Variants in GRM8 observed in about 807,000 individuals in gnomAD.
GRM8 encodes metabotropic glutamate receptor 8.
A neutral mutation model predicts 87.2 loss-of-function variants in GRM8; 47 were observed. That is an observed-to-expected ratio of 0.54 (90% confidence interval 0.43 to 0.69). The LOEUF (loss-of-function observed/expected upper bound fraction) is 0.69. Ranked by LOEUF, GRM8 falls within the 30% of genes least tolerant of loss-of-function variation. The probability of loss-of-function intolerance (pLI) is 0.00; values close to 1 mark genes in which losing one functional copy is unlikely to be tolerated. For missense variants in GRM8, 1,019 were observed against 1,139.2 expected (o/e 0.89, Z 1.52); for synonymous variants, 396 against 404.5 (o/e 0.98, Z 0.25).
chr7:127,131,065 T>C (rs1275203356), intron 2 of GRM8, among the ~76,000 whole-genome samples: 1 of 152,222 alleles, frequency 6.6e-6, no homozygotes, highest in African/African-American at 2.4e-5. Flanking sequence ...TGAGCATGTG[T>C]TGCCCAAGAA....
chr7:127,247,023 G>A (rs1312542760), intron 1 of GRM8, among the ~76,000 whole-genome samples: 1 of 152,184 alleles, frequency 6.6e-6, no homozygotes, highest in Admixed American at 6.5e-5. Context: ...GGCAGCACAA[G>A]GAAAGGGAAT....
intron 7 of GRM8, among the ~76,000 whole-genome samples, chr7:126,763,713 T>A (rs890865943): frequency 6.7e-6 from 1 of 149,110 alleles, no homozygotes; most frequent in African/African-American, 2.4e-5. Flanking sequence ...TATTTTTCCT[T>A]AAAATCACTC....
chr7:126,581,536 T>C (rs564672997), intron 8 of GRM8, among the ~76,000 whole-genome samples: 100 of 152,282 alleles, frequency 6.6e-4, no homozygotes, highest in Admixed American at 1.3e-3. Flanking sequence ...GTGATCACTA[T>C]ACCTGAGGTC....
chr7:126,587,628 T>A (rs546441832), intron 8 of GRM8, among the ~76,000 whole-genome samples: 1 of 134,724 alleles, frequency 7.4e-6, no homozygotes, highest in Admixed American at 8.9e-5. Context: ...AATTGAACAA[T>A]GAGAACACTT....
intron 9 of GRM8, among the ~76,000 whole-genome samples, chr7:126,478,748 G>C (rs1341265736): frequency 6.6e-6 from 1 of 152,024 alleles, no homozygotes; most frequent in African/African-American, 2.4e-5. Flanking sequence ...GTTAGACCTA[G>C]ATTTGAAAAC....
intron 3 of GRM8, among the ~76,000 whole-genome samples, chr7:126,955,910 T>C (rs1808628211): frequency 1.3e-5 from 2 of 152,168 alleles, no homozygotes; most frequent in African/African-American, 4.8e-5. Flanking sequence ...TCCTAGTGAT[T>C]ATAGGACTTC....
At chr7:127,130,252 T>A (rs901663830) in intron 2 of GRM8, among the ~76,000 whole-genome samples, 3 of 151,940 alleles carry the variant, frequency 2.0e-5, no homozygotes, top group African/African-American at 7.3e-5. Context: ...AACAGACTAA[T>A]ACGGATAATT....
intron 9 of GRM8, chr7:126,447,123 C>G (rs1584633832): frequency 6.6e-6 from 1 of 151,770 alleles, no homozygotes; most frequent in African/African-American, 2.4e-5. Context: ...AAATCGACTG[C>G]TCTGATACTT....
At chr7:126,804,888 G>A (rs1426492039) in intron 6 of GRM8, among the ~76,000 whole-genome samples, 3 of 152,068 alleles carry the variant, frequency 2.0e-5, no homozygotes, top group Non-Finnish European at 2.9e-5. Flanking sequence ...ATCTTGCTCT[G>A]CTAGAAACTA....
intron 6 of GRM8, among the ~76,000 whole-genome samples, chr7:126,853,020 G>T (rs1263424427): frequency 6.6e-6 from 1 of 152,144 alleles, no homozygotes; most frequent in African/African-American, 2.4e-5. Flanking sequence ...TATTTTCAAA[G>T]TTCAGAGAAA....
intron 7 of GRM8, among the ~76,000 whole-genome samples, chr7:126,633,488 G>C (rs1029042795): frequency 6.6e-5 from 10 of 152,110 alleles, no homozygotes; most frequent in Non-Finnish European, 1.5e-4. Flanking sequence ...TGTGTCTATA[G>C]ATAGATATAA....
intron 3 of GRM8, among the ~76,000 whole-genome samples, chr7:126,955,970 T>G (rs1808638485): frequency 6.6e-6 from 1 of 152,108 alleles, no homozygotes; most frequent in Non-Finnish European, 1.5e-5. Context: ...AAAAAGAACT[T>G]GGATGGTCAA....
At chr7:126,596,098 T>C (rs1291262937) in intron 8 of GRM8, among the ~76,000 whole-genome samples, 4 of 152,036 alleles carry the variant, frequency 2.6e-5, no homozygotes, top group African/African-American at 9.7e-5. Context: ...CTCTCCAGAG[T>C]GGGTAACAGA....
intron 8 of GRM8, among the ~76,000 whole-genome samples, chr7:126,577,353 A>G (rs915721510): frequency 1.3e-5 from 2 of 152,182 alleles, no homozygotes; most frequent in Non-Finnish European, 2.9e-5. Flanking sequence ...ATTTAACACT[A>G]ACTTTAAAAA....
At chr7:126,682,457 A>G (rs1008150262) in intron 7 of GRM8, among the ~76,000 whole-genome samples, 5 of 152,196 alleles carry the variant, frequency 3.3e-5, no homozygotes. Flanking sequence ...CTGCTTAGAG[A>G]GGTTAAGTTC....
chr7:126,477,639 AAAC>A (rs1806155507), intron 9 of GRM8, among the ~76,000 whole-genome samples: 1 of 144,188 alleles, frequency 6.9e-6, no homozygotes, highest in African/African-American at 2.6e-5. Flanking sequence ...AAGAAAGAAA[AAAC>A]GAAAGAGAAA....
chr7:127,026,680 ACT>A (rs1816811569), intron 3 of GRM8, among the ~76,000 whole-genome samples: 1 of 151,870 alleles, frequency 6.6e-6, no homozygotes, highest in South Asian at 2.1e-4. Context: ...TCCTTTGCCC[ACT>A]TTTTGATGGT....
At chr7:126,469,022 A>G (rs1460534539) in intron 9 of GRM8, among the ~76,000 whole-genome samples, 1 of 151,956 alleles carries the variant, frequency 6.6e-6, no homozygotes, top group Non-Finnish European at 1.5e-5. Context: ...CAATCTACTG[A>G]CTCCTTTAAT....
intron 3 of GRM8, among the ~76,000 whole-genome samples, chr7:126,976,363 A>C (rs1332835704): frequency 6.6e-6 from 1 of 152,194 alleles, no homozygotes; most frequent in Non-Finnish European, 1.5e-5. Context: ...TGGGAGGCCG[A>C]AGGGGGCGGA....
Sources: gnomAD v4.1 joint callset for allele counts (sites outside exome capture counted in the v4.1 genomes callset) on GRCh38, gnomAD v4.1.1 for gene constraint, MANE v1.5 for transcripts, NCBI Gene and HGNC (gene_info 2026-07-23, HGNC 2026-07-21) for gene names.